OSBPL1A: variants seen among roughly 807,000 people sequenced by gnomAD.
OSBPL1A encodes oxysterol binding protein like 1A.
A neutral mutation model predicts 137.1 loss-of-function variants in OSBPL1A; 80 were observed. The observed-to-expected ratio is 0.58, with a 90% CI of 0.49 to 0.70. OSBPL1A has a LOEUF of 0.70. OSBPL1A is among the 30% of genes least tolerant of loss of function. The pLI is 0.00. For missense variants in OSBPL1A, 970 were observed against 1,129.4 expected (o/e 0.86, Z 2.02); for synonymous variants, 365 against 389.7 (o/e 0.94, Z 0.75).
intron 2 of OSBPL1A, among the ~76,000 whole-genome samples, chr18:24,377,089 G>A (rs1906231373): frequency 1.3e-5 from 2 of 152,250 alleles, no homozygotes; most frequent in African/African-American, 4.8e-5. Context: ...GGGAGCCCAG[G>A]CAGAGGAGGC....
chr18:24,175,104 G>GTGTATATATATA (rs1491534405), intron 21 of OSBPL1A, among the ~76,000 whole-genome samples: 450 of 42,638 alleles, frequency 0.011, 3 homozygotes, highest in Middle Eastern at 0.067. Context: ...TTTGCCATGT[G>GTGTATATATATA]TATGTATATA....
At chr18:24,392,653 C>T (rs948261998) in intron 1 of OSBPL1A, among the ~76,000 whole-genome samples, 5 of 152,096 alleles carry the variant, frequency 3.3e-5, no homozygotes, top group African/African-American at 1.2e-4. Flanking sequence ...ATCTTAAAAA[C>T]ATAAAAACCA....
In OSBPL1A at chr18:24,265,617, T is replaced by C. The variant is rs142660369; in HGVS notation, c.1281+15225A>G. Reference sequence around the variant, plus strand: ...AAACATTATTATAAGTGAGGGCTGATTTCTCAAGTAAACTCAAAAAGGCCC... The same window carrying C: ...AAACATTATTATAAGTGAGGGCTGACTTCTCAAGTAAACTCAAAAAGGCCC... On this transcript the variant is annotated intron_variant, in intron 15 of 27. Transcript: ENST00000319481. Among the ~76,000 whole-genome samples, 5 of 152,320 alleles carry C rather than the reference T, an allele frequency of 3.3e-5. No individual in the cohort carries two copies. The East Asian group carries it at 9.6e-4, about 29-fold the overall frequency.
At chr18:24,388,199 C>T (rs1465761397) in intron 1 of OSBPL1A, among the ~76,000 whole-genome samples, 9 of 152,122 alleles carry the variant, frequency 5.9e-5, no homozygotes, top group Admixed American at 4.6e-4. Flanking sequence ...CATGAGTCTA[C>T]GGGTATCAGT....
intron 17 of OSBPL1A, among the ~76,000 whole-genome samples, chr18:24,212,486 T>C (rs1338823388): frequency 1.2e-4 from 19 of 152,182 alleles, no homozygotes; most frequent in Admixed American, 1.2e-3. Context: ...ACCAACATAC[T>C]CATCTTTAGT....
rs1159866314 is a variant in OSBPL1A at position 24,271,921 on chromosome 18, G to A, written c.1281+8921C>T. 1 of 983,646 alleles carries A rather than the reference G, an allele frequency of 1.0e-6. No individual in the cohort carries two copies. Among genetic ancestry groups the A allele is most frequent in the Non-Finnish European group, 1.2e-6 (1 of 829,450 alleles). 60.9% of individuals were successfully genotyped at this position (983,646 alleles called of 1,614,324 possible). A position where few individuals can be genotyped will look rare whatever the true frequency, so the allele number is the denominator to read the frequency against. ...CGCCCGGGCCGCAGAGGTCTGCGCT[G>A]CCCCTCCGCCGCCGCTGGCTCGGCC... On this transcript the variant is annotated intron_variant, in intron 15 of 27. Transcript: ENST00000319481. The surrounding 1 kb of genome is among the most constrained non-coding windows in gnomAD (Gnocchi z 4.0).
chr18:24,208,378 C>T (rs2087434278), intron 17 of OSBPL1A, among the ~76,000 whole-genome samples: 1 of 152,018 alleles, frequency 6.6e-6, no homozygotes, highest in Admixed American at 6.6e-5. Context: ...AGCAGAAAAG[C>T]CTAGCAATCT....
Position 24,317,272 on chromosome 18 carries a change from G to A in OSBPL1A, c.806+55C>T, listed in dbSNP as rs56134687. On this transcript the variant is annotated intron_variant, in intron 10 of 27. Transcript: ENST00000319481. ...GAAAAGAGACAAGTGAAAAAAATTC[G>A]TATTTCAAAATTTATACAGTGAAAT... 0.016 allele frequency: 25,012 copies of A among 1,608,342 alleles called. 2,641 individuals are homozygous for A. The African/African-American group carries it at 0.26, about 17-fold the overall frequency.
At chr18:24,327,111 CTTT>C (rs68045251) in intron 7 of OSBPL1A, among the ~76,000 whole-genome samples, 2 of 137,000 alleles carry the variant, frequency 1.5e-5, no homozygotes, top group South Asian at 2.3e-4. Context: ...TTTCTTTTTT[CTTT>C]TTTTTTTTTT....
At chr18:24,364,662 C>T (rs1477165706) in intron 4 of OSBPL1A, 1 of 151,568 alleles carries the variant, frequency 6.6e-6, no homozygotes, top group Non-Finnish European at 1.5e-5. Flanking sequence ...CAGACTCAGT[C>T]CAGATTCCAC....
At chr18:24,224,938 C>A (rs1182543513) in intron 17 of OSBPL1A, 104 bp downstream of exon 17, 1 of 1,446,252 alleles carries the variant, frequency 6.9e-7, no homozygotes, top group African/African-American at 1.4e-5. Flanking sequence ...CAATATAAAT[C>A]CCCTACACGG....
At chr18:24,207,474 A>C (rs2087408884) in intron 17 of OSBPL1A, among the ~76,000 whole-genome samples, 1 of 152,264 alleles carries the variant, frequency 6.6e-6, no homozygotes, top group African/African-American at 2.4e-5. Flanking sequence ...TTTATTAAGT[A>C]TTATGTAGGA....
intron 15 of OSBPL1A, among the ~76,000 whole-genome samples, chr18:24,280,239 C>G (rs1324348661): frequency 1.3e-5 from 2 of 152,176 alleles, no homozygotes; most frequent in South Asian, 4.1e-4. Flanking sequence ...GCCACCACGC[C>G]TGGCCTAATT....
intron 13 of OSBPL1A, among the ~76,000 whole-genome samples, chr18:24,310,154 A>C (rs2090590558): frequency 6.6e-6 from 1 of 151,968 alleles, no homozygotes; most frequent in African/African-American, 2.4e-5. Flanking sequence ...TAGTGCTAAA[A>C]CTCTCATTAA....
chr18:24,397,147 C>T (rs1048716929), intron 1 of OSBPL1A, among the ~76,000 whole-genome samples: 1 of 152,246 alleles, frequency 6.6e-6, no homozygotes, highest in Non-Finnish European at 1.5e-5. Flanking sequence ...GTCTATTGTG[C>T]AGCTGCGCTC....
chr18:24,299,544 T>C (rs2090357660), intron 14 of OSBPL1A, among the ~76,000 whole-genome samples: 1 of 152,216 alleles, frequency 6.6e-6, no homozygotes, highest in Non-Finnish European at 1.5e-5. Context: ...AAAAAAAAGT[T>C]TGACTGACAG....
rs543257852 is a variant in OSBPL1A at position 24,325,441 on chromosome 18, T to C, written c.626-6632A>G. ...TTCTTCTACTCCAGAGCTTTTACAC[T>C]GGCTTTCCATTTTCCTTGAATGCTC... On this transcript the variant is annotated intron_variant, in intron 7 of 27. Coordinates refer to ENST00000319481, the MANE Select transcript of OSBPL1A (RefSeq NM_080597.4). Among the ~76,000 whole-genome samples the C allele has an allele frequency of 2.6e-5, 4 of 152,352 alleles. No homozygotes were observed. In the East Asian group the frequency reaches 7.7e-4, roughly 29 times the overall value.
Position 24,196,133 on chromosome 18 carries a change from T to C in OSBPL1A, c.1669A>G (p.Ile557Val). 6.2e-7 allele frequency: 1 copy of C among 1,608,340 alleles called. No homozygotes were observed. The highest frequency in any genetic ancestry group is 8.5e-7 in the Non-Finnish European group (1 of 1,176,306). Residue 557 changes from isoleucine to valine, a missense_variant, in exon 18 of 28, where the codon ATT becomes GTT. By Grantham distance (29) the Ile-to-Val change is conservative. Transcript: ENST00000319481. The part of the protein sequence containing the change: ...FSIWSILRKC[I>V]GMELSKITMP... ...CAAAACCATTAATTTACCATTCCAA[T>C]ACATTTTCTGAGGATGCTCCAGATA...
intron 18 of OSBPL1A, among the ~76,000 whole-genome samples, chr18:24,182,222 C>T (rs769354099): frequency 6.6e-6 from 1 of 152,202 alleles, no homozygotes; most frequent in Non-Finnish European, 1.5e-5. Context: ...GCCTCCATCA[C>T]AAGCGACTCT....
Sources: gnomAD v4.1 joint callset for allele counts (sites outside exome capture counted in the v4.1 genomes callset) on GRCh38, gnomAD v4.1.1 for gene constraint, Gnocchi (gnomAD v3.1) non-coding constraint, MANE v1.5 for transcripts, NCBI Gene and HGNC (gene_info 2026-07-23, HGNC 2026-07-21) for gene names.